The following JAKMIP3 variants were observed in gnomAD, a reference collection of about 807,000 sequenced individuals.
JAKMIP3 encodes the protein Janus kinase and microtubule interacting protein 3, also known as janus kinase and microtubule-interacting protein 3.
JAKMIP3 carries 58 observed loss-of-function variants against 118.5 expected under a neutral mutation model. That is an observed-to-expected ratio of 0.49 (90% confidence interval 0.40 to 0.61). JAKMIP3 has a LOEUF of 0.61. JAKMIP3 is among the 20% of genes least tolerant of loss of function. The pLI is 0.00. For synonymous variants in JAKMIP3, 486 were observed against 451.2 expected, an observed-to-expected ratio of 1.08 and a Z score of -0.98; for missense variants, 950 against 1,109.0, an observed-to-expected ratio of 0.86 and a Z score of 2.04.
At chr10:132,180,776 T>TGCGCGC (rs1339093105) in intron 23 of JAKMIP3, among the ~76,000 whole-genome samples, 4 of 44,624 alleles carry the variant, frequency 9.0e-5, no homozygotes, top group East Asian at 3.2e-3. Flanking sequence ...TGTGCGTGTG[T>TGCGCGC]GTGTGTGCGC....
chr10:132,051,991 G>A (rs947688831), intron 1 of JAKMIP3, among the ~76,000 whole-genome samples: 1 of 152,210 alleles, frequency 6.6e-6, no homozygotes, highest in Non-Finnish European at 1.5e-5. Context: ...GGAGGCAGAG[G>A]CAGGAGGATC....
chr10:132,059,561 C>A (rs560004412), intron 1 of JAKMIP3, among the ~76,000 whole-genome samples: 1 of 152,224 alleles, frequency 6.6e-6, no homozygotes, highest in Non-Finnish European at 1.5e-5. Context: ...TCTTGGGCCT[C>A]CACCGTCTTG....
intron 11 of JAKMIP3, among the ~76,000 whole-genome samples, chr10:132,143,062 T>C (rs950848645): frequency 6.6e-6 from 1 of 151,598 alleles, no homozygotes; most frequent in African/African-American, 2.4e-5. Context: ...CCTCCTGCCT[T>C]CCTGGCACCT....
intron 1 of JAKMIP3, among the ~76,000 whole-genome samples, chr10:132,040,115 T>C (rs866737965): frequency 5.1e-4 from 77 of 152,104 alleles, no homozygotes; most frequent in African/African-American, 1.8e-3. Context: ...TGTAATGGTA[T>C]TGGGGGGGTG....
chr10:132,168,466 G>A lies in JAKMIP3; in HGVS notation c.*536G>A. The A allele has an allele frequency of 8.5e-7, 1 of 1,176,166 alleles. No individual in the cohort carries two copies. Among genetic ancestry groups the A allele is most frequent in the Non-Finnish European group, 1.1e-6 (1 of 900,122 alleles). 72.9% of individuals were successfully genotyped at this position (1,176,166 alleles called of 1,614,324 possible). ...GGCTCCCTGGGATGGTCCTGGGAGGGCTCCCCGACGCCTCAGGGGCCCCTC... is the reference window on the plus strand; with the variant it reads ...GGCTCCCTGGGATGGTCCTGGGAGGACTCCCCGACGCCTCAGGGGCCCCTC... On this transcript the variant is annotated 3_prime_UTR_variant, in exon 23 of 24. Transcript: ENST00000684848.
chr10:132,150,134 A>AGCCCTGCCATGGGCC (rs906123773), intron 16 of JAKMIP3, 93 bp downstream of exon 16: 28 of 1,024,172 alleles, frequency 2.7e-5, no homozygotes, highest in African/African-American at 8.4e-5. Context: ...AGCCTCCCAC[A>AGCCCTGCCATGGGCC]GCCCTGCCAT....
At chr10:132,130,173 A>G (rs79034942) in intron 3 of JAKMIP3, among the ~76,000 whole-genome samples, 22 of 152,098 alleles carry the variant, frequency 1.4e-4, no homozygotes, top group Non-Finnish European at 2.9e-4. Context: ...AGCACCTCCA[A>G]CGCACCCCCA....
chr10:132,162,440 T>A (rs2058450260), intron 19 of JAKMIP3, among the ~76,000 whole-genome samples: 1 of 152,210 alleles, frequency 6.6e-6, no homozygotes, highest in Admixed American at 6.5e-5. Flanking sequence ...TCTTTTGCTC[T>A]AAGAAGTGGA....
chr10:132,153,119 G>C, intron 17 of JAKMIP3, 96 bp downstream of exon 17: 1 of 1,021,942 alleles, frequency 9.8e-7, no homozygotes, highest in African/African-American at 1.6e-5. Flanking sequence ...AGGAGGGCCT[G>C]CAGGGCCGGG....
At chr10:132,055,988 T>C (rs1298457286) in intron 1 of JAKMIP3, among the ~76,000 whole-genome samples, 2 of 152,248 alleles carry the variant, frequency 1.3e-5, no homozygotes, top group African/African-American at 4.8e-5. Flanking sequence ...TTCCAAGTGC[T>C]GTGAACATGA....
chr10:132,069,542 G>T (rs185441585), intron 1 of JAKMIP3, among the ~76,000 whole-genome samples: 107 of 152,186 alleles, frequency 7.0e-4, no homozygotes, highest in African/African-American at 2.5e-3. Flanking sequence ...CTGAAGCTCT[G>T]CTGTTTGAAG....
intron 5 of JAKMIP3, 149 bp from the exon 6 acceptor site, chr10:132,135,780 TG>T: frequency 1.2e-6 from 1 of 819,298 alleles, no homozygotes; most frequent in Non-Finnish European, 1.9e-6. Context: ...GCTGGGCCAG[TG>T]GGCACCACTT....
rs1424168382 is a variant in JAKMIP3, at chr10:132,154,817, CTGGCAA to C, written c.2220+837_2220+842del. On this transcript the variant is annotated intron_variant, in intron 19 of 23. Coordinates refer to ENST00000684848, the MANE Select transcript of JAKMIP3 (RefSeq NM_001323087.2). ...GACAATGGTGGTGGTGATGATTGTG[CTGGCAA>C]TGGCAATGGTGATGGTGGTGGCGGT... is the stretch of plus-strand genomic sequence containing the variant. 7.2e-3 allele frequency among the ~76,000 whole-genome samples: 879 copies of C among 122,754 alleles called. 8 individuals carry two copies. The highest frequency in any genetic ancestry group is 0.03 in the Middle Eastern group (7 of 230). The allele number at this position is 122,754 out of a possible 152,430, so 80.5% of individuals were successfully genotyped here. A position where few individuals can be genotyped will look rare whatever the true frequency, so the allele number is the denominator to read the frequency against.
At chr10:132,061,166 ATAG>A (rs2038379255), upstream of JAKMIP3, among the ~76,000 whole-genome samples, 3 of 151,514 alleles carry the variant, frequency 2.0e-5, no homozygotes, top group Non-Finnish European at 2.9e-5. Context: ...AAAGGTATCA[ATAG>A]CACACACACA....
chr10:132,101,259 G>C (rs1490500573), intron 1 of JAKMIP3, among the ~76,000 whole-genome samples: 2 of 152,206 alleles, frequency 1.3e-5, no homozygotes, highest in African/African-American at 4.8e-5. Context: ...GCTGAGGTGG[G>C]AGGATTGCTT....
intron 2 of JAKMIP3, among the ~76,000 whole-genome samples, chr10:132,108,896 T>A (rs2046323238): frequency 1.3e-5 from 2 of 148,958 alleles, no homozygotes; most frequent in Admixed American, 6.8e-5. Flanking sequence ...TATATATAAA[T>A]TATATACGCA....
chr10:132,181,602 G>A (rs2061486560), intron 23 of JAKMIP3: 1 of 152,268 alleles, frequency 6.6e-6, no homozygotes, highest in African/African-American at 2.4e-5. Flanking sequence ...GTTAACTGCA[G>A]CAGAGATTTC....
At position 132,168,577 on chromosome 10, in the gene JAKMIP3, G is replaced by A; in HGVS notation, c.*647G>A. 5.2e-6 allele frequency: 2 copies of A among 383,024 alleles called. No individual in the cohort carries two copies. The highest frequency in any genetic ancestry group is 7.6e-5 in the Admixed American group (2 of 26,144). 23.7% of individuals were successfully genotyped at this position (383,024 alleles called of 1,614,324 possible). On this transcript the variant is annotated 3_prime_UTR_variant, in exon 23 of 24. Coordinates refer to ENST00000684848, the MANE Select transcript of JAKMIP3 (RefSeq NM_001323087.2). ...CCCTCGTTCATCATCATCTCTGTGG[G>A]GACAGACAAGAGCCGTGGCCGCCGC... is the stretch of plus-strand genomic sequence containing the variant.
intron 1 of JAKMIP3, among the ~76,000 whole-genome samples, chr10:132,099,808 C>T (rs953726464): frequency 3.9e-5 from 6 of 152,338 alleles, no homozygotes; most frequent in East Asian, 3.9e-4. Flanking sequence ...GTGCGTGTCA[C>T]GGACGGCACG....
Sources: gnomAD v4.1 joint callset for allele counts (sites outside exome capture counted in the v4.1 genomes callset) on GRCh38, gnomAD v4.1.1 for gene constraint, MANE v1.5 for transcripts, NCBI Gene and HGNC (gene_info 2026-07-23, HGNC 2026-07-21) for gene names.